The following NCKAP5 variants were observed in gnomAD, a reference collection of about 807,000 sequenced individuals.
NCKAP5 encodes the protein nck-associated protein 5.
Under a neutral mutation model 167.0 loss-of-function variants are expected in NCKAP5, and 92 were observed. The ratio of observed to expected loss-of-function variants is 0.55; its 90% CI spans 0.47 to 0.66. The LOEUF (loss-of-function observed/expected upper bound fraction) is 0.66, where lower values mean the gene tolerates loss of function less well. Among genes scored for constraint, NCKAP5 ranks in the 30% least tolerant of loss-of-function variants. The pLI is 0.00. For synonymous variants in NCKAP5, 891 were observed against 877.4 expected (o/e 1.02, Z -0.27); for missense variants, 2,378 against 2,315.0 (o/e 1.03, Z -0.56).
the NCKAP5 span, among the ~76,000 whole-genome samples, chr2:133,590,795 T>C: frequency 6.6e-6 from 1 of 152,190 alleles, no homozygotes; most frequent in African/African-American, 2.4e-5. Flanking sequence ...TTTGACTCAC[T>C]GAAGCAGAAG....
intron 11 of NCKAP5, among the ~76,000 whole-genome samples, chr2:132,815,295 G>T (rs1030881037): frequency 6.6e-6 from 1 of 152,064 alleles, no homozygotes; most frequent in African/African-American, 2.4e-5. Context: ...CTATTACAAA[G>T]AAATGAGCAT....
chr2:133,056,103 T>C (rs6711352), intron 6 of NCKAP5, among the ~76,000 whole-genome samples: 6,961 of 152,206 alleles, frequency 0.046, 341 homozygotes, highest in African/African-American at 0.12. Context: ...TGATTGAATA[T>C]TCCGTCTGAT....
At chr2:132,965,208 A>T (rs955737484) in intron 7 of NCKAP5, among the ~76,000 whole-genome samples, 7 of 152,180 alleles carry the variant, frequency 4.6e-5, no homozygotes, top group Admixed American at 3.3e-4. Context: ...ATCAGGCCCA[A>T]GCATGTGTAA....
the NCKAP5 span, among the ~76,000 whole-genome samples, chr2:133,644,394 T>C: frequency 1.3e-5 from 2 of 152,156 alleles, no homozygotes; most frequent in African/African-American, 4.8e-5. Context: ...CCATAATCAT[T>C]TCCAATTCCA....
intron 3 of NCKAP5, among the ~76,000 whole-genome samples, chr2:133,471,061 G>GATCATC (rs944670275): frequency 6.6e-6 from 1 of 152,062 alleles, no homozygotes; most frequent in African/African-American, 2.4e-5. Context: ...TTTATGTACT[G>GATCATC]ATCATCATCA....
At chr2:132,697,675 T>C (rs1387037825) in intron 19 of NCKAP5, among the ~76,000 whole-genome samples, 2 of 152,098 alleles carry the variant, frequency 1.3e-5, no homozygotes, top group Non-Finnish European at 2.9e-5. Context: ...CATTTTGATA[T>C]AGTTGGTCTG....
chr2:132,755,233 T>G (rs960578351), intron 16 of NCKAP5, among the ~76,000 whole-genome samples: 1 of 152,022 alleles, frequency 6.6e-6, no homozygotes, highest in Admixed American at 6.6e-5. Flanking sequence ...CAAGTTGAAG[T>G]GAGATATTGC....
At chr2:133,656,523 C>G in the NCKAP5 span, among the ~76,000 whole-genome samples, 1 of 152,120 alleles carries the variant, frequency 6.6e-6, no homozygotes, top group Non-Finnish European at 1.5e-5. Context: ...AAGAAAGAAG[C>G]CTAAAGTGGT....
At chr2:133,178,683 G>GGC (rs201536907) in intron 5 of NCKAP5, among the ~76,000 whole-genome samples, 9,099 of 151,382 alleles carry the variant, frequency 0.06, 315 homozygotes, top group African/African-American at 0.088. Flanking sequence ...AAATTAGCCA[G>GGC]GCGCGGTGGC....
At chr2:132,850,000 C>G (rs189382127) in intron 11 of NCKAP5, among the ~76,000 whole-genome samples, 1 of 152,146 alleles carries the variant, frequency 6.6e-6, no homozygotes, top group Non-Finnish European at 1.5e-5. Context: ...GAATGTGCAA[C>G]CTTGCAAAAG....
At chr2:133,651,869 G>A in the NCKAP5 span, among the ~76,000 whole-genome samples, 48 of 152,312 alleles carry the variant, frequency 3.2e-4, no homozygotes, top group African/African-American at 1.1e-3. Context: ...TGAACCTTGA[G>A]GACATTATCC....
chr2:133,552,673 C>T (rs1264705580), intron 2 of NCKAP5, among the ~76,000 whole-genome samples: 2 of 142,166 alleles, frequency 1.4e-5, no homozygotes, highest in Non-Finnish European at 3.0e-5. Flanking sequence ...TGCAGTGCAC[C>T]AGCATGGCAC....
the NCKAP5 span, among the ~76,000 whole-genome samples, chr2:133,597,539 C>T: frequency 5.3e-5 from 8 of 151,820 alleles, no homozygotes; most frequent in East Asian, 1.4e-3. Flanking sequence ...TGTGGAGGCA[C>T]GTGCCTGTAG....
At chr2:133,324,214 A>T (rs1032212011) in intron 3 of NCKAP5, among the ~76,000 whole-genome samples, 1 of 152,246 alleles carries the variant, frequency 6.6e-6, no homozygotes, top group Admixed American at 6.5e-5. Context: ...CTGTGCAAAC[A>T]GATGCATTCT....
In NCKAP5 at chr2:132,673,233, T is replaced by A; in HGVS notation, c.*56A>T. On this transcript the variant is annotated 3_prime_UTR_variant, in exon 20 of 20. Coordinates refer to ENST00000409261, the MANE Select transcript of NCKAP5 (RefSeq NM_207363.3). The stretch of plus-strand genomic sequence containing the variant: ...ATCACAGTATTGCTGTTAAATTTAT[T>A]GAATGACTCTAGGGAAATTTTCGAT... The A allele has an allele frequency of 1.4e-6, 2 of 1,480,522 alleles. No individual in the cohort carries two copies. Among genetic ancestry groups the A allele is most frequent in the Non-Finnish European group, 1.8e-6 (2 of 1,118,878 alleles). 91.7% of individuals were successfully genotyped at this position (1,480,522 alleles called of 1,614,324 possible).
At chr2:133,045,947 T>C (rs57006946) in intron 6 of NCKAP5, among the ~76,000 whole-genome samples, 9,149 of 152,222 alleles carry the variant, frequency 0.06, 903 homozygotes, top group African/African-American at 0.21. Flanking sequence ...GACAGTTGAT[T>C]TGATAAGCAC....
At chr2:132,735,908 G>C (rs1010433887) in intron 16 of NCKAP5, among the ~76,000 whole-genome samples, 2 of 152,294 alleles carry the variant, frequency 1.3e-5, no homozygotes, top group South Asian at 4.1e-4. Flanking sequence ...CCTTTCTGAA[G>C]ACAACAACAT....
rs570559733 is a variant in NCKAP5 at position 133,139,138 on chromosome 2, C to A, written c.208-9027G>T. 3.3e-5 allele frequency among the ~76,000 whole-genome samples: 5 copies of A among 152,296 alleles called. No homozygotes were observed. The South Asian group carries it at 6.2e-4, about 19-fold the overall frequency. On this transcript the variant is annotated intron_variant, in intron 5 of 19. Transcript: ENST00000409261. ...CCCGAGGGCCTGTAAACAAGAAAATCTGTATTTCCCTCTTGTGTCTCTTCT... is the reference window on the plus strand; with the variant it reads ...CCCGAGGGCCTGTAAACAAGAAAATATGTATTTCCCTCTTGTGTCTCTTCT...
chr2:132,999,755 C>T (rs923653477), intron 6 of NCKAP5, among the ~76,000 whole-genome samples: 1 of 152,160 alleles, frequency 6.6e-6, no homozygotes. Flanking sequence ...AACCCCAACC[C>T]AAAATCTAGC....
Sources: gnomAD v4.1 joint callset for allele counts (sites outside exome capture counted in the v4.1 genomes callset) on GRCh38, gnomAD v4.1.1 for gene constraint, MANE v1.5 for transcripts, NCBI Gene and HGNC (gene_info 2026-07-23, HGNC 2026-07-21) for gene names.